Variants in TNRC6B observed in about 807,000 individuals in gnomAD.
TNRC6B encodes trinucleotide repeat containing adaptor 6B, also known as trinucleotide repeat-containing gene 6B protein.
A neutral mutation model predicts 203.6 loss-of-function variants in TNRC6B; 52 were observed. That is an observed-to-expected ratio of 0.26 (90% CI 0.20 to 0.32). The LOEUF (loss-of-function observed/expected upper bound fraction) is 0.32, where lower values mean the gene tolerates loss of function less well. TNRC6B is among the 10% of genes least tolerant of loss of function. The pLI is 1.00. For synonymous variants in TNRC6B, 838 were observed against 845.7 expected, an observed-to-expected ratio of 0.99 and a Z score of 0.16; for missense variants, 1,923 against 2,286.2, an observed-to-expected ratio of 0.84 and a Z score of 3.24.
chr22:40,100,011 A>G (rs2068221170), intron 1 of TNRC6B, among the ~76,000 whole-genome samples: 1 of 152,028 alleles, frequency 6.6e-6, no homozygotes, highest in Non-Finnish European at 1.5e-5. Flanking sequence ...TCGGCCTCCC[A>G]AAGTGCTGGG....
intron 2 of TNRC6B, among the ~76,000 whole-genome samples, chr22:40,120,475 A>G (rs1276396709): frequency 6.6e-6 from 1 of 152,124 alleles, no homozygotes; most frequent in African/African-American, 2.4e-5. Flanking sequence ...GAATGGAAAG[A>G]TTTGCCTGCG....
chr22:40,050,788 T>C (rs535370890), intron 1 of TNRC6B, among the ~76,000 whole-genome samples: 1 of 152,168 alleles, frequency 6.6e-6, no homozygotes, highest in East Asian at 1.9e-4. Flanking sequence ...GGCTTTTGCT[T>C]TTGTTATTTA....
At chr22:40,105,478 AT>A (rs1382236985) in intron 1 of TNRC6B, among the ~76,000 whole-genome samples, 7 of 151,634 alleles carry the variant, frequency 4.6e-5, no homozygotes, top group Non-Finnish European at 7.4e-5. Context: ...TGATTTCTTT[AT>A]TTTCCTTTCT....
chr22:40,058,611 T>G (rs1601789768), intron 1 of TNRC6B, among the ~76,000 whole-genome samples: 3 of 152,342 alleles, frequency 2.0e-5, no homozygotes, highest in Admixed American at 2.0e-4. Context: ...CTCCTATTTT[T>G]CAGACCTTGG....
In TNRC6B at chr22:40,326,811, G is replaced by A. The variant is rs1311324329; in HGVS notation, c.*3570G>A. The A allele has an allele frequency of 6.6e-6, 1 of 152,634 alleles. No homozygotes were observed. Among genetic ancestry groups the A allele is most frequent in the Non-Finnish European group, 1.5e-5 (1 of 68,036 alleles). The allele number at this position is 152,634 out of a possible 1,614,324, so 9.5% of individuals were successfully genotyped here. A position where few individuals can be genotyped will look rare whatever the true frequency, so the allele number is the denominator to read the frequency against. ...ACTAGAGGAAAATTATCTATGGACT[G>A]TCCTATTAATGAAGAATGTCTGTCT... On this transcript the variant is annotated 3_prime_UTR_variant, in exon 23 of 23. Transcript: ENST00000454349.
Position 40,186,394 on chromosome 22 carries a change from G to A in TNRC6B, c.5+8254G>A, listed in dbSNP as rs115816807. Among the ~76,000 whole-genome samples, 694 of 152,114 alleles carry A rather than the reference G, an allele frequency of 4.6e-3. 6 individuals are homozygous for A. The highest frequency in any genetic ancestry group is 0.015 in the African/African-American group (635 of 41,488). Reference sequence around the variant, plus strand: ...CGATGGCGCCAGCACCGCCCAGTAGGAACAGAATGCAAGCCACGTGTGTTA... The same window carrying A: ...CGATGGCGCCAGCACCGCCCAGTAGAAACAGAATGCAAGCCACGTGTGTTA... On this transcript the variant is annotated intron_variant, in intron 1 of 22. Transcript: ENST00000454349.
At chr22:40,058,389 T>C (rs2067818694) in intron 1 of TNRC6B, among the ~76,000 whole-genome samples, 1 of 147,130 alleles carries the variant, frequency 6.8e-6, no homozygotes, top group Admixed American at 6.6e-5. Flanking sequence ...CTCCAAAACT[T>C]GTGACTCAAT....
At chr22:40,192,565 C>G (rs574753736) in intron 1 of TNRC6B, among the ~76,000 whole-genome samples, 5 of 151,998 alleles carry the variant, frequency 3.3e-5, no homozygotes, top group Admixed American at 1.3e-4. Flanking sequence ...TGCAGTGAGC[C>G]GAGATCGAGC....
At chr22:40,117,712 CA>C (rs2068402910) in intron 2 of TNRC6B, among the ~76,000 whole-genome samples, 1 of 152,126 alleles carries the variant, frequency 6.6e-6, no homozygotes, top group African/African-American at 2.4e-5. Context: ...AGCTTGGAAG[CA>C]GGGAGAAGAA....
At chr22:40,264,425 GAT>G (rs1485169474) in intron 4 of TNRC6B, among the ~76,000 whole-genome samples, 1 of 152,154 alleles carries the variant, frequency 6.6e-6, no homozygotes, top group Admixed American at 6.5e-5. Context: ...CTTGTCCCAA[GAT>G]ACAAGAAGGC....
At position 40,265,204 on chromosome 22, in the gene TNRC6B, T is replaced by C. The variant is rs775891036; in HGVS notation, c.974T>C (p.Leu325Ser). 8 of 1,614,012 alleles carry C rather than the reference T, an allele frequency of 5.0e-6. No individual in the cohort carries two copies. In the South Asian group the frequency reaches 8.8e-5, roughly 18 times the overall value. The change falls in exon 5 of 23, where the codon TTG (leucine) becomes TCG (serine). Residue 325 changes from leucine (L) to serine (S), a missense_variant. Physicochemically the swap from Leu to Ser is moderately radical, Grantham distance 145. Coordinates refer to ENST00000454349, the MANE Select transcript of TNRC6B (RefSeq NM_001162501.2). The part of the protein sequence containing the change: ...VQEGTSRKGA[L>S]ETDNSNSSAQ... ...GAAGGAACTTCTAGGAAAGGGGCAT[T>C]GGAAACAGATAATAGTAATTCCAGT...
At chr22:40,200,443 C>A (rs763905288) in intron 1 of TNRC6B, among the ~76,000 whole-genome samples, 1 of 150,948 alleles carries the variant, frequency 6.6e-6, no homozygotes, top group African/African-American at 2.4e-5. Context: ...TGCACCCCCA[C>A]GCCCAGCTAA....
intron 3 of TNRC6B, among the ~76,000 whole-genome samples, chr22:40,254,481 C>T (rs1170069624): frequency 6.6e-6 from 1 of 152,118 alleles, no homozygotes; most frequent in African/African-American, 2.4e-5. Context: ...AATTATGCCA[C>T]TGTACTCCAG....
Position 40,300,519 on chromosome 22 carries a change from G to C in TNRC6B, c.3773G>C (p.Gly1258Ala), listed in dbSNP as rs1246052240. 6.2e-6 allele frequency: 10 copies of C among 1,613,018 alleles called. No individual in the cohort carries two copies. Among genetic ancestry groups the C allele is most frequent in the Non-Finnish European group, 8.5e-6 (10 of 1,179,662 alleles). The stretch of plus-strand genomic sequence containing the variant: ...CTGAGTCCAGGTCTTTTCAATGTGG[G>C]GCCCCAGTTATCTCCTCAACAAATT... ...SGLSPGLFNV[G>A]PQLSPQQIAM... is the part of the protein sequence containing the mutation. Residue 1258 changes from glycine to alanine, a missense_variant, in exon 13 of 23, where the codon GGG becomes GCG. By Grantham distance (60) the Gly-to-Ala change is moderately conservative. Transcript: ENST00000454349.
At chr22:40,045,898 CAT>C (rs2067683894) in intron 1 of TNRC6B, among the ~76,000 whole-genome samples, 1 of 152,202 alleles carries the variant, frequency 6.6e-6, no homozygotes, top group African/African-American at 2.4e-5. Context: ...CGTGCTTTCT[CAT>C]GTGTTTTGGC....
rs2071015219 is a variant in TNRC6B at position 40,300,985 on chromosome 22, C to T, written c.3916C>T (p.Arg1306Cys). ...QNQRKISQAV[R>C]QQQEQQLARM... ...CCAGAGAAAGATTTCTCAAGCTGTA[C>T]GCCAACAGCAAGAGCAGCAGGTACG... Residue 1306 changes from arginine to cysteine, a missense_variant, in exon 14 of 23, where the codon CGC becomes TGC. Physicochemically the swap from Arg to Cys is radical, Grantham distance 180. Around this residue, in one of 8 missense-constraint regions of TNRC6B, gnomAD observed 242 missense variants for 399.5 expected, o/e 0.61. Transcript: ENST00000454349. 6.2e-7 allele frequency: 1 copy of T among 1,613,274 alleles called. No homozygotes were observed. The highest frequency in any genetic ancestry group is 8.5e-7 in the Non-Finnish European group (1 of 1,179,596).
At chr22:40,097,078 G>A (rs181507116) in intron 1 of TNRC6B, among the ~76,000 whole-genome samples, 2 of 152,334 alleles carry the variant, frequency 1.3e-5, no homozygotes, top group African/African-American at 2.4e-5. Context: ...TGGGTGAGGT[G>A]TCAGGTGGCA....
At chr22:40,167,040 TCATAA>T (rs1268067721) in intron 4 of TNRC6B, among the ~76,000 whole-genome samples, 1 of 152,226 alleles carries the variant, frequency 6.6e-6, no homozygotes. Flanking sequence ...CATATGTATA[TCATAA>T]CATAATTTGG....
At chr22:40,073,655 T>G (rs894451715) in intron 1 of TNRC6B, among the ~76,000 whole-genome samples, 6 of 152,172 alleles carry the variant, frequency 3.9e-5, no homozygotes, top group Non-Finnish European at 7.3e-5. Context: ...GGCTCACAGC[T>G]GTAATTCCAG....
Sources: gnomAD v4.1 joint callset for allele counts (sites outside exome capture counted in the v4.1 genomes callset) on GRCh38, gnomAD v4.1.1 for gene constraint, gnomAD v4.1.1 regional missense constraint, MANE v1.5 for transcripts, NCBI Gene and HGNC (gene_info 2026-07-23, HGNC 2026-07-21) for gene names.